The following BRF1 variants were observed in gnomAD, a reference collection of about 807,000 sequenced individuals.
The protein encoded by BRF1 is transcription factor IIIB 90 kDa subunit.
A neutral mutation model predicts 81.7 loss-of-function variants in BRF1; 59 were observed. The observed-to-expected ratio is 0.72, with a 90% CI of 0.59 to 0.90. The LOEUF (loss-of-function observed/expected upper bound fraction) is 0.90. Among genes scored for constraint, BRF1 ranks in the 40% least tolerant of loss-of-function variants. BRF1 has a pLI of 0.00. For synonymous variants in BRF1, 491 were observed against 395.6 expected, an observed-to-expected ratio of 1.24 and a Z score of -2.86; for missense variants, 1,050 against 936.3, an observed-to-expected ratio of 1.12 and a Z score of -1.58.
At chr14:105,294,381 A>T (rs1018406994) in intron 1 of BRF1, among the ~76,000 whole-genome samples, 6 of 152,178 alleles carry the variant, frequency 3.9e-5, no homozygotes, top group African/African-American at 7.2e-5. Flanking sequence ...GCACTGCTCC[A>T]CACCACCATC....
At chr14:105,266,770 C>T (rs900733746) in intron 3 of BRF1, among the ~76,000 whole-genome samples, 2 of 151,880 alleles carry the variant, frequency 1.3e-5, no homozygotes, top group Admixed American at 6.6e-5. Flanking sequence ...CAAGGCTGGG[C>T]GGGGGGTTCA....
intron 7 of BRF1, among the ~76,000 whole-genome samples, chr14:105,228,497 T>C (rs2054179524): frequency 6.7e-6 from 1 of 148,622 alleles, no homozygotes; most frequent in Non-Finnish European, 1.5e-5. Flanking sequence ...TGAGCCGAGA[T>C]CACGCTATTG....
chr14:105,293,466 G>A (rs1566872102), intron 1 of BRF1, among the ~76,000 whole-genome samples: 1 of 152,232 alleles, frequency 6.6e-6, no homozygotes, highest in Non-Finnish European at 1.5e-5. Flanking sequence ...CCTTGCACAG[G>A]ACGAGGAGGG....
rs185057150 is a variant in BRF1 at position 105,300,837 on chromosome 14, G to C, written c.-208C>G. On this transcript the variant is annotated 5_prime_UTR_variant, in exon 1 of 18. Coordinates refer to ENST00000547530, the MANE Select transcript of BRF1 (RefSeq NM_001519.4). ...ACGGCCGCGCCCGCGGGATGGGACAGGCACCGGGACCACGGCGGGGACGCG... is the reference window on the plus strand; with the variant it reads ...ACGGCCGCGCCCGCGGGATGGGACACGCACCGGGACCACGGCGGGGACGCG... 0.032 allele frequency: 6,031 copies of C among 187,144 alleles called. 156 individuals are homozygous for C. The highest frequency in any genetic ancestry group is 0.071 in the African/African-American group (2,987 of 42,236). The allele number at this position is 187,144 out of a possible 1,614,324, so 11.6% of individuals were successfully genotyped here. A position where few individuals can be genotyped will look rare whatever the true frequency, so the allele number is the denominator to read the frequency against.
In BRF1 at chr14:105,248,084, C is replaced by T. The variant is rs963740327; in HGVS notation, c.544+4423G>A. 4 of 985,332 alleles carry T rather than the reference C, an allele frequency of 4.1e-6. No homozygotes were observed. In the African/African-American group the frequency reaches 7.0e-5, roughly 17 times the overall value. 61.0% of individuals were successfully genotyped at this position (985,332 alleles called of 1,614,324 possible). ...TCAGCGCGCGACTAACCTCTCTGTG[C>T]CTATTTCCTCGAGGAAAATGCCGGG... is the stretch of plus-strand genomic sequence containing the variant. On this transcript the variant is annotated intron_variant, in intron 5 of 17. Coordinates refer to ENST00000547530, the MANE Select transcript of BRF1 (RefSeq NM_001519.4).
In BRF1 at chr14:105,209,518, A is replaced by G; in HGVS notation, c.*1033T>C. 1.4e-6 allele frequency: 1 copy of G among 702,372 alleles called. No homozygotes were observed. The highest frequency in any genetic ancestry group is 2.6e-6 in the Non-Finnish European group (1 of 384,772). The allele number at this position is 702,372 out of a possible 1,614,324, so 43.5% of individuals were successfully genotyped here. A position where few individuals can be genotyped will look rare whatever the true frequency, so the allele number is the denominator to read the frequency against. ...GCCTCAAGGCCACCCCCTCCTAAGG[A>G]CACAGGGTGAAGCCCCCTCGGCCAC... is the stretch of plus-strand genomic sequence containing the variant. On this transcript the variant is annotated 3_prime_UTR_variant, in exon 18 of 18. Transcript: ENST00000547530.
rs587655572 is a variant in BRF1 at position 105,308,519 on chromosome 14, G to A, written c.-162+6803C>T. 1.1e-4 allele frequency among the ~76,000 whole-genome samples: 15 copies of A among 135,340 alleles called. No homozygotes were observed. In the East Asian group the frequency reaches 3.2e-3, roughly 29 times the overall value. The allele number at this position is 135,340 out of a possible 152,430, so 88.8% of individuals were successfully genotyped here. ...TTTTTTTGAGATGGAGTCTTGCTCT[G>A]TCGTCCGGGCTGGAGTGCAGTGGTG... is the stretch of plus-strand genomic sequence containing the variant. On this transcript the variant is annotated intron_variant, in intron 1 of 17. Coordinates refer to the BRF1 transcript ENST00000327359.
intron 5 of BRF1, chr14:105,248,106 C>T: frequency 1.0e-6 from 1 of 985,450 alleles, no homozygotes; most frequent in Non-Finnish European, 1.2e-6. Flanking sequence ...AGGAAAATGC[C>T]GGGAAATAGC....
Position 105,307,952 on chromosome 14 carries a change from G to T in BRF1, c.-162+7370C>A, listed in dbSNP as rs373674611. On this transcript the variant is annotated intron_variant, in intron 1 of 17. Coordinates refer to the BRF1 transcript ENST00000327359. ...CATCCCAGCACTTTGGGAGGCAGAG[G>T]TGGGAGGATAGCTTGAGCCCAGGAG... is the stretch of plus-strand genomic sequence containing the variant. Among the ~76,000 whole-genome samples, 4 of 152,336 alleles carry T rather than the reference G, an allele frequency of 2.6e-5. No individual in the cohort carries two copies. The East Asian group carries it at 7.7e-4, about 29-fold the overall frequency.
intron 10 of BRF1, among the ~76,000 whole-genome samples, chr14:105,224,088 T>C (rs776735203): frequency 9.8e-5 from 15 of 152,356 alleles, no homozygotes; most frequent in African/African-American, 3.4e-4. Context: ...AAAATCCATC[T>C]GTAGCTGAGG....
chr14:105,314,345 G>A (rs1244787691), intron 1 of BRF1: 1 of 152,046 alleles, frequency 6.6e-6, no homozygotes, highest in Admixed American at 6.5e-5. Flanking sequence ...TCCGCGCGTG[G>A]GGAGGTGGGC....
At chr14:105,275,589 C>T (rs961596936) in intron 2 of BRF1, among the ~76,000 whole-genome samples, 1 of 152,226 alleles carries the variant, frequency 6.6e-6, no homozygotes, top group African/African-American at 2.4e-5. Flanking sequence ...CAGCTCTCTG[C>T]TGTATGTTTG....
At chr14:105,252,921 G>A (rs2055689348) in intron 4 of BRF1, among the ~76,000 whole-genome samples, 1 of 152,214 alleles carries the variant, frequency 6.6e-6, no homozygotes, top group African/African-American at 2.4e-5. Flanking sequence ...AACCAGTTCT[G>A]TCCACATGTG....
At chr14:105,263,234 CAAAAAAAAAA>C (rs760613469) in intron 3 of BRF1, among the ~76,000 whole-genome samples, 9 of 83,556 alleles carry the variant, frequency 1.1e-4, no homozygotes, top group Non-Finnish European at 1.8e-4. Context: ...AAGACTCCAT[CAAAAAAAAAA>C]AAAAAAAAAA....
At chr14:105,283,007 C>A (rs1013235834) in intron 2 of BRF1, among the ~76,000 whole-genome samples, 2 of 152,152 alleles carry the variant, frequency 1.3e-5, no homozygotes, top group African/African-American at 4.8e-5. Context: ...CCCAAAGCAT[C>A]AGAAATGTGC....
At chr14:105,311,203 T>G (rs1792163727) in intron 1 of BRF1, among the ~76,000 whole-genome samples, 1 of 152,104 alleles carries the variant, frequency 6.6e-6, no homozygotes, top group Non-Finnish European at 1.5e-5. Context: ...ATCCACCCAC[T>G]TCGGCCTCCC....
At chr14:105,261,790 C>T (rs587595992) in intron 3 of BRF1, among the ~76,000 whole-genome samples, 5 of 152,358 alleles carry the variant, frequency 3.3e-5, no homozygotes, top group African/African-American at 4.8e-5. Context: ...CCAGCATTCC[C>T]GGCCCCATGG....
chr14:105,313,217 C>T (rs1351375796), intron 1 of BRF1, among the ~76,000 whole-genome samples: 3 of 152,198 alleles, frequency 2.0e-5, no homozygotes, highest in Non-Finnish European at 2.9e-5. Context: ...ACTGCACGCT[C>T]GCCAGGTCCA....
At chr14:105,287,845 G>A (rs2057371755) in intron 1 of BRF1, among the ~76,000 whole-genome samples, 1 of 152,264 alleles carries the variant, frequency 6.6e-6, no homozygotes, top group African/African-American at 2.4e-5. Flanking sequence ...AAGAGAGCAA[G>A]GGGCAGCTAC....
Sources: allele counts gnomAD v4.1 joint callset (sites outside exome capture counted in the v4.1 genomes callset), GRCh38; gene constraint gnomAD v4.1.1; transcripts MANE v1.5; gene names NCBI Gene and HGNC (gene_info 2026-07-23, HGNC 2026-07-21).